Variants in PRSS21 observed in about 807,000 individuals in gnomAD.
PRSS21 encodes the protein testisin.
Under a neutral mutation model 31.1 loss-of-function variants are expected in PRSS21, and 40 were observed. That is an observed-to-expected ratio of 1.29 (90% CI 1.00 to 1.68). The LOEUF (loss-of-function observed/expected upper bound fraction) is 1.68, where lower values mean the gene tolerates loss of function less well. PRSS21 is among the 40% of genes most tolerant of loss of function. The pLI is 0.00. For synonymous variants in PRSS21, 186 were observed against 167.7 expected (o/e 1.11, Z -0.84); for missense variants, 467 against 412.6 (o/e 1.13, Z -1.14).
intron 4 of PRSS21, 93 bp downstream of exon 4, chr16:2,819,062 G>A (rs1326954510): frequency 5.8e-6 from 8 of 1,390,952 alleles, no homozygotes; most frequent in African/African-American, 1.4e-5. Flanking sequence ...GTCTGGGGGT[G>A]CAGGCTATGC....
chr16:2,821,060 G>T lies in PRSS21; in HGVS notation c.656G>T (p.Gly219Val). The T allele has an allele frequency of 6.2e-7, 1 of 1,614,146 alleles. No homozygotes were observed. The highest frequency in any genetic ancestry group is 8.5e-7 in the Non-Finnish European group (1 of 1,180,038). Residue 219 changes from glycine to valine, a missense_variant, in exon 5 of 6, where the codon GGA becomes GTA. Transcript: ENST00000005995. ...TACAGTTTCCGCAAGGACATCTTTG[G>T]AGACATGGTTTGTGCTGGCAATGCC... ...LKYSFRKDIFGDMVCAGNAQG... is the reference protein window; with the variant it reads ...LKYSFRKDIFVDMVCAGNAQG...
At position 2,817,811 on chromosome 16, in the gene PRSS21, C is replaced by T. The variant is rs1202732125; in HGVS notation, c.102C>T (p.Gly34=). 1.9e-6 allele frequency: 3 copies of T among 1,549,914 alleles called. No homozygotes were observed. The highest frequency in any genetic ancestry group is 2.0e-5 in the Admixed American group (1 of 51,030). ...CTCTGACCATCCGAGGACCATGCGG[C>T]CGACGGGTCATCACGTCGCGCATCG... ...QEAAPLSGPC[G]RRVITSRIVG... The change falls in exon 3 of 6, where the codon GGC becomes GGT. Residue 34 remains glycine, a synonymous_variant. Transcript: ENST00000005995. This position sits in a 1 kb window ranked among gnomAD's most constrained non-coding sequence, Gnocchi z 4.2.
chr16:2,821,203 G>T (rs1238268065), intron 5 of PRSS21, 94 bp downstream of exon 5: 2 of 1,557,450 alleles, frequency 1.3e-6, no homozygotes, highest in African/African-American at 1.4e-5. Flanking sequence ...GGTGGAGACT[G>T]TTGCCCCACT....
chr16:2,821,015 G>A lies in PRSS21; in HGVS notation c.611G>A (p.Cys204Tyr). Residue 204 changes from cysteine (C) to tyrosine (Y), a missense_variant, in exon 5 of 6, where the codon TGC (cysteine) becomes TAC (tyrosine). Transcript: ENST00000005995. ...VQVAIINNSM[C>Y]NHLFLKYSFR... The stretch of plus-strand genomic sequence containing the variant: ...GTCGCCATCATAAACAACTCTATGT[G>A]CAACCACCTCTTCCTCAAGTACAGT... The A allele has an allele frequency of 1.9e-6, 3 of 1,614,104 alleles. No homozygotes were observed. Among genetic ancestry groups the A allele is most frequent in the East Asian group, 4.5e-5 (2 of 44,884 alleles).
Position 2,817,416 on chromosome 16 carries a change from C to T in PRSS21, c.65-14C>T, listed in dbSNP as rs752180091. On this transcript the variant is annotated splice_polypyrimidine_tract_variant and intron_variant, in intron 1 of 5. Coordinates refer to ENST00000005995, the MANE Select transcript of PRSS21 (RefSeq NM_006799.4). This position sits in a 1 kb window ranked among gnomAD's most constrained non-coding sequence, Gnocchi z 4.2. Reference sequence around the variant, plus strand: ...AGGTGGAGGCCGCGGGGAGTCACTTCTTGTCTCCCGCAGAGTCGCAGGAGG... The same window carrying T: ...AGGTGGAGGCCGCGGGGAGTCACTTTTTGTCTCCCGCAGAGTCGCAGGAGG... 6.9e-6 allele frequency: 11 copies of T among 1,595,684 alleles called. No individual in the cohort carries two copies. The highest frequency in any genetic ancestry group is 8.5e-6 in the Non-Finnish European group (10 of 1,175,792).
In PRSS21 at chr16:2,818,988, G is replaced by C. The variant is rs368468704; in HGVS notation, c.550+19G>C. On this transcript the variant is annotated intron_variant, in intron 4 of 5. Transcript: ENST00000005995. ...GATGAGGGTGAGGCTGGGGACAGGC[G>C]GGTCAGGGAGGAACTGTCTTTGTTC... is the stretch of plus-strand genomic sequence containing the variant. 5 of 1,610,990 alleles carry C rather than the reference G, an allele frequency of 3.1e-6. No homozygotes were observed. The African/African-American group carries it at 6.7e-5, about 22-fold the overall frequency.
chr16:2,821,572 T>C lies in PRSS21; in HGVS notation c.912T>C (p.Leu304=). Reference sequence around the variant, plus strand: ...CCTGGCCGCTACTCTTTTTCCCTCTTCTCTGGGCTCTCCCACTCCTGGGGC... The same window carrying C: ...CCTGGCCGCTACTCTTTTTCCCTCTCCTCTGGGCTCTCCCACTCCTGGGGC... ...DPSWPLLFFP[L]LWALPLLGPV Residue 304 remains leucine, a synonymous_variant, in exon 6 of 6, where the codon CTT becomes CTC. Coordinates refer to ENST00000005995, the MANE Select transcript of PRSS21 (RefSeq NM_006799.4). 2.5e-6 allele frequency: 4 copies of C among 1,613,858 alleles called. No homozygotes were observed. Among genetic ancestry groups the C allele is most frequent in the Non-Finnish European group, 3.4e-6 (4 of 1,179,924 alleles).
intron 3 of PRSS21, among the ~76,000 whole-genome samples, 192 bp downstream of exon 3, chr16:2,818,158 C>T (rs371383423): frequency 1.8e-4 from 27 of 152,300 alleles, no homozygotes; most frequent in African/African-American, 6.3e-4. Context: ...TTTGGGTCTC[C>T]TGGAGGGAAC....
At chr16:2,820,283 C>T (rs1488873145) in intron 4 of PRSS21, among the ~76,000 whole-genome samples, 4 of 152,194 alleles carry the variant, frequency 2.6e-5, no homozygotes, top group African/African-American at 9.6e-5. Flanking sequence ...GGAGAGGCCC[C>T]GCTGACGGGA....
rs759604129 is a variant in PRSS21 at position 2,820,941 on chromosome 16, T to C, written c.551-14T>C. ...AGGTTGCTGTCTCTCTCCTTCCCACTATCGTCCGCACAGCACTGCCATCTC... is the reference window on the plus strand; with the variant it reads ...AGGTTGCTGTCTCTCTCCTTCCCACCATCGTCCGCACAGCACTGCCATCTC... On this transcript the variant is annotated splice_polypyrimidine_tract_variant and intron_variant, in intron 4 of 5. Coordinates refer to ENST00000005995, the MANE Select transcript of PRSS21 (RefSeq NM_006799.4). The C allele has an allele frequency of 1.2e-6, 2 of 1,612,028 alleles. No individual in the cohort carries two copies. Among genetic ancestry groups the C allele is most frequent in the Admixed American group, 3.3e-5 (2 of 60,006 alleles).
chr16:2,821,547 C>G lies in PRSS21; in HGVS notation c.887C>G (p.Ser296Cys), dbSNP rs1375140043. 6 of 1,614,084 alleles carry G rather than the reference C, an allele frequency of 3.7e-6. No homozygotes were observed. The highest frequency in any genetic ancestry group is 1.7e-5 in the Admixed American group (1 of 60,012). ...AQSGMSQPDP[S>C]WPLLFFPLLW... ...AGTGGCATGTCCCAGCCAGACCCCT[C>G]CTGGCCGCTACTCTTTTTCCCTCTT... The change falls in exon 6 of 6, where the codon TCC becomes TGC. Residue 296 changes from serine to cysteine, a missense_variant. Coordinates refer to ENST00000005995, the MANE Select transcript of PRSS21 (RefSeq NM_006799.4).
In PRSS21 at chr16:2,817,539, T is replaced by C. The variant is rs967069064; in HGVS notation, c.91+83T>C. 2.2e-6 allele frequency: 3 copies of C among 1,387,588 alleles called. No individual in the cohort carries two copies. Among genetic ancestry groups the C allele is most frequent in the Admixed American group, 2.4e-5 (1 of 42,022 alleles). 86.0% of individuals were successfully genotyped at this position (1,387,588 alleles called of 1,614,324 possible). ...GGCGGTGAGGGGGTAGAGGGGGGCC[T>C]TTACTGCTCTCTCGCCCCCGCCCCC... On this transcript the variant is annotated intron_variant, in intron 2 of 5. Transcript: ENST00000005995. This position sits in a 1 kb window ranked among gnomAD's most constrained non-coding sequence, Gnocchi z 4.2.
chr16:2,820,207 G>C (rs921171725), intron 4 of PRSS21, among the ~76,000 whole-genome samples: 13 of 152,242 alleles, frequency 8.5e-5, no homozygotes, highest in African/African-American at 3.1e-4. Flanking sequence ...TTCCTCCCCT[G>C]TGAAATAGGG....
rs2069126974 is a variant in PRSS21, at chr16:2,818,930, T to A, written c.511T>A (p.Cys171Ser). ...STFEFENRTDCWVTGWGYIKE... is the reference protein window; with the variant it reads ...STFEFENRTDSWVTGWGYIKE... ...ATTTGAGTTTGAGAACCGGACAGAC[T>A]GCTGGGTGACTGGCTGGGGGTACAT... The change falls in exon 4 of 6, where the codon TGC (cysteine) becomes AGC (serine). Residue 171 changes from cysteine (C) to serine (S), a missense_variant. Transcript: ENST00000005995. The A allele has an allele frequency of 6.2e-7, 1 of 1,614,118 alleles. No homozygotes were observed. The highest frequency in any genetic ancestry group is 8.5e-7 in the Non-Finnish European group (1 of 1,180,046).
In PRSS21 at chr16:2,821,219, G is replaced by A. The variant is rs2069169813; in HGVS notation, c.705+110G>A. ...GTGGAGACTGTTGCCCCACTCTGCA[G>A]ATGCAGAAACGGAGGCTTGGCTGCT... On this transcript the variant is annotated intron_variant, in intron 5 of 5. Coordinates refer to ENST00000005995, the MANE Select transcript of PRSS21 (RefSeq NM_006799.4). 1.9e-6 allele frequency: 3 copies of A among 1,540,980 alleles called. No individual in the cohort carries two copies. The Admixed American group carries it at 5.2e-5, about 27-fold the overall frequency.
In PRSS21 at chr16:2,818,695, T is replaced by A; in HGVS notation, c.276T>A (p.Asp92Glu). ...CTGCCAGCTATAGTGACCTTAGTGA[T>A]CCCTCCGGGTGGATGGTCCAGTTTG... ...HCFETYSDLS[D>E]PSGWMVQFGQ... The change falls in exon 4 of 6, where the codon GAT (aspartate) becomes GAA (glutamate). Residue 92 changes from aspartate (D) to glutamate (E), a missense_variant. Asp to Glu is a conservative substitution (Grantham distance 45). Coordinates refer to ENST00000005995, the MANE Select transcript of PRSS21 (RefSeq NM_006799.4). 1 of 1,614,128 alleles carries A rather than the reference T, an allele frequency of 6.2e-7. No individual in the cohort carries two copies. Among genetic ancestry groups the A allele is most frequent in the Admixed American group, 1.7e-5 (1 of 60,024 alleles).
chr16:2,817,623 G>A lies in PRSS21; in HGVS notation c.91+167G>A, dbSNP rs574321388. 9.5e-6 allele frequency: 12 copies of A among 1,265,122 alleles called. No homozygotes were observed. The East Asian group carries it at 2.8e-4, about 30-fold the overall frequency. The allele number at this position is 1,265,122 out of a possible 1,614,324, so 78.4% of individuals were successfully genotyped here. A position where few individuals can be genotyped will look rare whatever the true frequency, so the allele number is the denominator to read the frequency against. ...TAACGGACGCTGGAGGGGGATGGGC[G>A]GGCCCTGCAGAGCACGTGGGAGGAT... On this transcript the variant is annotated intron_variant, in intron 2 of 5. Coordinates refer to ENST00000005995, the MANE Select transcript of PRSS21 (RefSeq NM_006799.4). The surrounding 1 kb of genome is among the most constrained non-coding windows in gnomAD (Gnocchi z 4.2).
intron 4 of PRSS21, among the ~76,000 whole-genome samples, chr16:2,819,487 C>A (rs916297867): frequency 2.6e-5 from 4 of 152,224 alleles, no homozygotes; most frequent in African/African-American, 9.7e-5. Flanking sequence ...GCGTGTCCCC[C>A]AACACACATG....
At position 2,821,372 on chromosome 16, in the gene PRSS21, T is replaced by C; in HGVS notation, c.712T>C (p.Ser238Pro). The C allele has an allele frequency of 6.2e-7, 1 of 1,614,080 alleles. No individual in the cohort carries two copies. The highest frequency in any genetic ancestry group is 8.5e-7 in the Non-Finnish European group (1 of 1,179,980). ...QGGKDACFGDSGGPLACNKNG... is the reference protein window; with the variant it reads ...QGGKDACFGDPGGPLACNKNG... ...CAGCCCCGCTGCTCCCCAGGGTGAC[T>C]CAGGTGGACCCTTGGCCTGTAACAA... Residue 238 changes from serine to proline, a missense_variant, in exon 6 of 6, where the codon TCA (serine) becomes CCA (proline). Coordinates refer to ENST00000005995, the MANE Select transcript of PRSS21 (RefSeq NM_006799.4).
Sources: allele counts gnomAD v4.1 joint callset (sites outside exome capture counted in the v4.1 genomes callset), GRCh38; gene constraint gnomAD v4.1.1; non-coding constraint Gnocchi (gnomAD v3.1); transcripts MANE v1.5; gene names NCBI Gene and HGNC (gene_info 2026-07-23, HGNC 2026-07-21).